Variants in APP observed in about 807,000 individuals in gnomAD.
APP encodes the protein amyloid-beta precursor protein.
In APP, 31 loss-of-function variants were observed where a neutral mutation model predicts 101.4. The ratio of observed to expected loss-of-function variants is 0.31; its 90% CI spans 0.23 to 0.41. The LOEUF (loss-of-function observed/expected upper bound fraction) is 0.41, where lower values mean the gene tolerates loss of function less well. APP is among the 10% of genes least tolerant of loss of function. APP has a pLI of 1.00. For synonymous variants in APP, 366 were observed against 364.4 expected, an observed-to-expected ratio of 1.00 and a Z score of -0.05; for missense variants, 839 against 1,003.7, an observed-to-expected ratio of 0.84 and a Z score of 2.22.
At chr21:26,147,180 A>G (rs2063171387) in intron 1 of APP, among the ~76,000 whole-genome samples, 1 of 152,110 alleles carries the variant, frequency 6.6e-6, no homozygotes, top group Non-Finnish European at 1.5e-5. Flanking sequence ...TAATTTTCCT[A>G]AGTATCTACT....
rs45531642 is a variant in APP at position 25,999,207 on chromosome 21, A to C, written c.1033+808T>G. Among the ~76,000 whole-genome samples the C allele has an allele frequency of 4.9e-3, 748 of 152,174 alleles. 7 individuals are homozygous for C. Among genetic ancestry groups the C allele is most frequent in the African/African-American group, 0.017 (722 of 41,520 alleles). ...CTGGGGAGGCTGAGGCAGGAGAATC[A>C]CTTGAACCCGGGAGGCGGAGGTTGC... On this transcript the variant is annotated intron_variant, in intron 7 of 17. Transcript: ENST00000346798.
intron 3 of APP, among the ~76,000 whole-genome samples, chr21:26,086,767 C>T (rs1405605419): frequency 6.6e-6 from 1 of 152,130 alleles, no homozygotes; most frequent in Non-Finnish European, 1.5e-5. Flanking sequence ...GTCAACACAA[C>T]GATAGCTGTG....
intron 1 of APP, among the ~76,000 whole-genome samples, chr21:26,125,589 G>C (rs141028722): frequency 8.7e-4 from 132 of 152,052 alleles, no homozygotes; most frequent in African/African-American, 2.9e-3. Flanking sequence ...CGGTGTTTAG[G>C]GGGTGAGTCT....
At chr21:26,144,822 C>G (rs2830090) in intron 1 of APP, among the ~76,000 whole-genome samples, 1 of 151,998 alleles carries the variant, frequency 6.6e-6, no homozygotes, top group Non-Finnish European at 1.5e-5. Context: ...AATTTTAGAT[C>G]GAGGGAGTTG....
intron 13 of APP, among the ~76,000 whole-genome samples, chr21:25,950,697 G>C (rs956853828): frequency 6.6e-6 from 1 of 152,090 alleles, no homozygotes; most frequent in African/African-American, 2.4e-5. Flanking sequence ...GTTCCGAAAA[G>C]GAGGAATTGA....
At chr21:26,163,110 A>G (rs1053443742) in intron 1 of APP, among the ~76,000 whole-genome samples, 3 of 150,810 alleles carry the variant, frequency 2.0e-5, no homozygotes, top group Non-Finnish European at 4.4e-5. Flanking sequence ...GCGTGGTGGC[A>G]CATGCCTGTA....
At position 25,975,100 on chromosome 21, in the gene APP, G is replaced by A. The variant is rs750523528; in HGVS notation, c.1428C>T (p.Tyr476=). Reference sequence around the variant, plus strand: ...GAGGAACAGCCTGCAGAGCGGTGATGTAGTTCTCCAGGGCCAGGCGGCGGC... The same window carrying A: ...GAGGAACAGCCTGCAGAGCGGTGATATAGTTCTCCAGGGCCAGGCGGCGGC... ...NDRRRLALEN[Y]ITALQAVPPR... is the part of the protein sequence containing the mutation. Residue 476 remains tyrosine, a synonymous_variant, in exon 11 of 18, where the codon TAC becomes TAT. Transcript: ENST00000346798. The A allele has an allele frequency of 1.9e-6, 3 of 1,614,114 alleles. No homozygotes were observed. Among genetic ancestry groups the A allele is most frequent in the East Asian group, 2.2e-5 (1 of 44,868 alleles).
At chr21:25,926,033 A>G (rs1328795326) in intron 13 of APP, among the ~76,000 whole-genome samples, 3 of 152,234 alleles carry the variant, frequency 2.0e-5, no homozygotes, top group Non-Finnish European at 4.4e-5. Context: ...CCAAGAAACA[A>G]TACTGCCAGG....
At chr21:26,044,586 C>T (rs1485594880) in intron 5 of APP, among the ~76,000 whole-genome samples, 1 of 152,128 alleles carries the variant, frequency 6.6e-6, no homozygotes, top group Non-Finnish European at 1.5e-5. Context: ...ATTGCCCAGG[C>T]TGGAGTGTGA....
At chr21:26,100,894 T>C (rs2062039578) in intron 2 of APP, among the ~76,000 whole-genome samples, 1 of 152,148 alleles carries the variant, frequency 6.6e-6, no homozygotes, top group South Asian at 2.1e-4. Flanking sequence ...ACTTTCCCAA[T>C]TGGAAATCTC....
intron 17 of APP, among the ~76,000 whole-genome samples, chr21:25,884,214 T>C (rs2037176379): frequency 6.6e-6 from 1 of 152,186 alleles, no homozygotes; most frequent in Admixed American, 6.5e-5. Context: ...TGGAAGAGAC[T>C]GTGCGCCACT....
At position 26,137,614 on chromosome 21, in the gene APP, G is replaced by A. The variant is rs1299059658; in HGVS notation, c.58-25468C>T. ...AGTTAGAAATGACCACAGACGCTAA[G>A]AACAGAAAGCAAGACACCAAAACTA... is the stretch of plus-strand genomic sequence containing the variant. On this transcript the variant is annotated intron_variant, in intron 1 of 17. Coordinates refer to ENST00000346798, the MANE Select transcript of APP (RefSeq NM_000484.4). Among the ~76,000 whole-genome samples the A allele has an allele frequency of 3.9e-5, 6 of 152,126 alleles. No homozygotes were observed. In the East Asian group the frequency reaches 1.2e-3, roughly 29 times the overall value.
chr21:26,063,484 T>G (rs2046349180), intron 3 of APP, among the ~76,000 whole-genome samples: 2 of 151,630 alleles, frequency 1.3e-5, no homozygotes, highest in South Asian at 2.1e-4. Context: ...ATTCTAGGAT[T>G]AGGGCTGAAA....
chr21:26,035,767 G>A (rs775510579), intron 5 of APP, among the ~76,000 whole-genome samples: 2 of 152,204 alleles, frequency 1.3e-5, no homozygotes, highest in African/African-American at 4.8e-5. Flanking sequence ...GAGAGAGAAC[G>A]AGAGCAGAGA....
intron 5 of APP, among the ~76,000 whole-genome samples, chr21:26,036,598 T>G (rs2045121665): frequency 6.6e-6 from 1 of 152,312 alleles, no homozygotes; most frequent in Non-Finnish European, 1.5e-5. Flanking sequence ...AAAAGCGTCA[T>G]GCACTTTACA....
At chr21:26,090,731 C>G (rs1216697908) in intron 2 of APP, among the ~76,000 whole-genome samples, 1 of 152,140 alleles carries the variant, frequency 6.6e-6, no homozygotes, top group African/African-American at 2.4e-5. Flanking sequence ...AAAATTCAAC[C>G]TCCCCCTATC....
chr21:25,884,894 TCTCCTCTTC>T (rs2037225036), intron 17 of APP, among the ~76,000 whole-genome samples: 1 of 152,224 alleles, frequency 6.6e-6, no homozygotes, highest in Non-Finnish European at 1.5e-5. Context: ...GATAGGTTTA[TCTCCTCTTC>T]AAACTCCAAA....
intron 13 of APP, among the ~76,000 whole-genome samples, chr21:25,917,912 CAT>C (rs1344285693): frequency 7.3e-6 from 1 of 136,146 alleles, no homozygotes; most frequent in South Asian, 2.3e-4. Flanking sequence ...GGCCAACAAA[CAT>C]ATGAAAAAAA....
chr21:26,101,241 GGC>G, intron 2 of APP, among the ~76,000 whole-genome samples: 1 of 151,834 alleles, frequency 6.6e-6, no homozygotes, highest in Non-Finnish European at 1.5e-5. Context: ...TGGGACTACA[GGC>G]GTGCGCCACC....
Sources: allele counts gnomAD v4.1 joint callset (sites outside exome capture counted in the v4.1 genomes callset), GRCh38; gene constraint gnomAD v4.1.1; transcripts MANE v1.5; gene names NCBI Gene and HGNC (gene_info 2026-07-23, HGNC 2026-07-21).